The following HABP2 variants were observed in gnomAD, a reference collection of about 807,000 sequenced individuals.
HABP2 encodes factor VII-activating protease.
In HABP2, 65 loss-of-function variants were observed where a neutral mutation model predicts 66.5. The ratio of observed to expected loss-of-function variants is 0.98; its 90% confidence interval spans 0.80 to 1.20. The LOEUF is 1.20. HABP2 is among the 50% of genes most tolerant of loss of function. The probability of loss-of-function intolerance (pLI) is 0.00; values close to 1 mark genes in which losing one functional copy is unlikely to be tolerated. For synonymous variants in HABP2, 263 were observed against 253.9 expected (o/e 1.04, Z -0.34); for missense variants, 786 against 691.0 (o/e 1.14, Z -1.54).
At chr10:113,587,615 C>T (rs1340485218) in intron 12 of HABP2, among the ~76,000 whole-genome samples, 1 of 152,144 alleles carries the variant, frequency 6.6e-6, no homozygotes, top group African/African-American at 2.4e-5. Context: ...AGCTATCACC[C>T]TCAATGTCTT....
Position 113,588,779 on chromosome 10 carries a change from G to T in HABP2, c.*410G>T, listed in dbSNP as rs758539777. 1.0e-5 allele frequency: 6 copies of T among 585,210 alleles called. No individual in the cohort carries two copies. The highest frequency in any genetic ancestry group is 1.8e-5 in the Non-Finnish European group (6 of 330,376). 36.3% of individuals were successfully genotyped at this position (585,210 alleles called of 1,614,324 possible). ...ACACTCGAGGCACTCAACAGAATCA[G>T]CCATCCACGTCTAGGTATCAGAGAG... On this transcript the variant is annotated 3_prime_UTR_variant, in exon 13 of 13. Coordinates refer to ENST00000351270, the MANE Select transcript of HABP2 (RefSeq NM_004132.5).
At chr10:113,564,571 A>G (rs574244512) in intron 1 of HABP2, among the ~76,000 whole-genome samples, 90 of 152,296 alleles carry the variant, frequency 5.9e-4, no homozygotes, top group African/African-American at 1.9e-3. Flanking sequence ...AAGTCATTAG[A>G]CAGAGGCACA....
Position 113,588,973 on chromosome 10 carries a change from G to C in HABP2, c.*604G>C. On this transcript the variant is annotated 3_prime_UTR_variant, in exon 13 of 13. Coordinates refer to ENST00000351270, the MANE Select transcript of HABP2 (RefSeq NM_004132.5). ...CCTCTCAGGAATCAGGGTGGACATGGCTCACAACAGCAGGGCCTTCTTCTT... is the reference window on the plus strand; with the variant it reads ...CCTCTCAGGAATCAGGGTGGACATGCCTCACAACAGCAGGGCCTTCTTCTT... The C allele has an allele frequency of 6.2e-7, 1 of 1,610,228 alleles. No homozygotes were observed. Among genetic ancestry groups the C allele is most frequent in the East Asian group, 2.2e-5 (1 of 44,848 alleles).
rs1845444257 is a variant in HABP2 at position 113,578,022 on chromosome 10, A to G, written c.449-4A>G. On this transcript the variant is annotated splice_polypyrimidine_tract_variant and splice_region_variant and intron_variant, in intron 5 of 12. Coordinates refer to ENST00000351270, the MANE Select transcript of HABP2 (RefSeq NM_004132.5). ...CCTTCCTGGCCCCATTCCTGTGTTC[A>G]CAGTGGTTCCTGTATGCAGGCCAAA... 1 of 1,613,964 alleles carries G rather than the reference A, an allele frequency of 6.2e-7. No homozygotes were observed. Among genetic ancestry groups the G allele is most frequent in the South Asian group, 1.1e-5 (1 of 91,054 alleles).
chr10:113,570,011 C>A (rs1209129463), intron 2 of HABP2: 1 of 152,230 alleles, frequency 6.6e-6, no homozygotes, highest in Non-Finnish European at 1.5e-5. Context: ...CTGAGTTAAT[C>A]CTGGTCAAGG....
chr10:113,567,103 A>G (rs879687434), intron 1 of HABP2, among the ~76,000 whole-genome samples: 2 of 152,162 alleles, frequency 1.3e-5, no homozygotes, highest in Non-Finnish European at 2.9e-5. Flanking sequence ...GGCTGATGCA[A>G]GCCTCTTCAT....
rs1457562657 is a variant in HABP2, at chr10:113,588,734, A to ATCTT, written c.*367_*370dup. On this transcript the variant is annotated 3_prime_UTR_variant, in exon 13 of 13. Coordinates refer to ENST00000351270, the MANE Select transcript of HABP2 (RefSeq NM_004132.5). Reference sequence around the variant, plus strand: ...CAGCATCAGCGGGAACCACCATCACATCTTTATTCCTCAGCCCAGACACTC... The same window carrying ATCTT: ...CAGCATCAGCGGGAACCACCATCACATCTTTCTTTATTCCTCAGCCCAGACACTC... The ATCTT allele has an allele frequency of 3.1e-5, 17 of 557,040 alleles. No homozygotes were observed. The highest frequency in any genetic ancestry group is 4.7e-4 in the Middle Eastern group (1 of 2,132). The allele number at this position is 557,040 out of a possible 1,614,324, so 34.5% of individuals were successfully genotyped here. A position where few individuals can be genotyped will look rare whatever the true frequency, so the allele number is the denominator to read the frequency against.
intron 12 of HABP2, 79 bp downstream of exon 12, chr10:113,586,017 G>A (rs2133786956): frequency 7.6e-7 from 1 of 1,322,532 alleles, no homozygotes; most frequent in South Asian, 1.2e-5. Flanking sequence ...TAGAGCCCTG[G>A]GCTGGGAGCT....
intron 1 of HABP2, among the ~76,000 whole-genome samples, chr10:113,562,461 T>C (rs1845117151): frequency 7.5e-6 from 1 of 133,808 alleles, no homozygotes; most frequent in African/African-American, 2.6e-5. Context: ...TTTTTTTTTT[T>C]TAAGACAGAG....
At chr10:113,554,970 G>A (rs1844966149) in intron 1 of HABP2, among the ~76,000 whole-genome samples, 1 of 152,216 alleles carries the variant, frequency 6.6e-6, no homozygotes, top group Admixed American at 6.5e-5. Flanking sequence ...GGCGGCTTGT[G>A]TTCCACAGGC....
rs1845479223 is a variant in HABP2 at position 113,579,441 on chromosome 10, C to G, written c.740+643C>G. Among the ~76,000 whole-genome samples, 3 of 152,280 alleles carry G rather than the reference C, an allele frequency of 2.0e-5. No homozygotes were observed. In the South Asian group the frequency reaches 6.2e-4, roughly 32 times the overall value. The stretch of plus-strand genomic sequence containing the variant: ...ACCTAGAAGGGACACATCCTCTTCC[C>G]ACACATACTTTGTTGGTCAGAAATA... On this transcript the variant is annotated intron_variant, in intron 7 of 12. Coordinates refer to ENST00000351270, the MANE Select transcript of HABP2 (RefSeq NM_004132.5).
At chr10:113,579,368 T>C (rs910801897) in intron 7 of HABP2, among the ~76,000 whole-genome samples, 1 of 152,186 alleles carries the variant, frequency 6.6e-6, no homozygotes, top group Admixed American at 6.5e-5. Context: ...ATATTCAGGA[T>C]CAGCAAGAAG....
At chr10:113,566,238 A>C (rs1285187339) in intron 1 of HABP2, among the ~76,000 whole-genome samples, 5 of 152,218 alleles carry the variant, frequency 3.3e-5, no homozygotes, top group African/African-American at 1.2e-4. Context: ...GTAAAATGTC[A>C]GATAGTAAAT....
At chr10:113,571,495 C>T (rs899616509) in intron 2 of HABP2, among the ~76,000 whole-genome samples, 3 of 152,002 alleles carry the variant, frequency 2.0e-5, no homozygotes, top group Admixed American at 6.6e-5. Flanking sequence ...ATCACACATG[C>T]TATTGGCCAA....
At chr10:113,570,164 G>A (rs139436016) in intron 2 of HABP2, 2 of 152,312 alleles carry the variant, frequency 1.3e-5, no homozygotes, top group African/African-American at 4.8e-5. Context: ...AGGTAGACCT[G>A]GGTTATGATG....
chr10:113,552,712 C>T (rs1441456746), upstream of HABP2, among the ~76,000 whole-genome samples: 2 of 152,182 alleles, frequency 1.3e-5, no homozygotes, highest in African/African-American at 2.4e-5. Flanking sequence ...AGTCTATTAA[C>T]ATTCTGTACA....
intron 9 of HABP2, among the ~76,000 whole-genome samples, chr10:113,582,773 TGCTCATGGTCAAG>T (rs1845564711): frequency 6.6e-6 from 1 of 152,206 alleles, no homozygotes; most frequent in Non-Finnish European, 1.5e-5. Context: ...GAGCTCCCTG[TGCTCATGGTCAAG>T]GCTGGTCCAA....
At chr10:113,587,819 C>A (rs1845680945) in intron 12 of HABP2, among the ~76,000 whole-genome samples, 1 of 152,026 alleles carries the variant, frequency 6.6e-6, no homozygotes, top group South Asian at 2.1e-4. Context: ...TGGCTTAAAA[C>A]CCAGGAGATC....
intron 5 of HABP2, among the ~76,000 whole-genome samples, chr10:113,577,471 A>G (rs1305066782): frequency 6.6e-6 from 1 of 152,160 alleles, no homozygotes; most frequent in Non-Finnish European, 1.5e-5. Context: ...TCCCACCCAA[A>G]AAGAATCATC....
Sources: allele counts gnomAD v4.1 joint callset (sites outside exome capture counted in the v4.1 genomes callset), GRCh38; gene constraint gnomAD v4.1.1; transcripts MANE v1.5; gene names NCBI Gene and HGNC (gene_info 2026-07-23, HGNC 2026-07-21).